Variants in ARMC12 observed in about 807,000 individuals in gnomAD.
ARMC12 encodes the protein armadillo repeat containing 12.
A neutral mutation model predicts 37.4 loss-of-function variants in ARMC12; 25 were observed. The ratio of observed to expected loss-of-function variants is 0.67; its 90% CI spans 0.49 to 0.93. ARMC12 has a LOEUF of 0.93. Ranked by LOEUF, ARMC12 falls within the 40% of genes least tolerant of loss-of-function variation. The pLI is 0.00. For synonymous variants in ARMC12, 167 were observed against 176.1 expected (o/e 0.95, Z 0.41); for missense variants, 384 against 426.6 (o/e 0.90, Z 0.88).
upstream of ARMC12, among the ~76,000 whole-genome samples, chr6:35,734,893 C>T (rs1463776493): frequency 6.6e-6 from 1 of 152,052 alleles, no homozygotes; most frequent in Non-Finnish European, 1.5e-5. Flanking sequence ...ATTCCTTTGT[C>T]TTTAATTTTT....
At chr6:35,740,245 T>C (rs1293350945) in intron 3 of ARMC12, among the ~76,000 whole-genome samples, 1 of 152,158 alleles carries the variant, frequency 6.6e-6, no homozygotes, top group Non-Finnish European at 1.5e-5. Flanking sequence ...CCCCTTTCCC[T>C]GCTATCATAC....
chr6:35,737,423 C>A, intron 1 of ARMC12, 152 bp downstream of exon 1: 1 of 1,594,312 alleles, frequency 6.3e-7, no homozygotes, highest in Non-Finnish European at 8.5e-7. Context: ...CCTGCAGCGT[C>A]CTAGGCAAGG....
At chr6:35,734,686 C>G (rs961973536), upstream of ARMC12, among the ~76,000 whole-genome samples, 2 of 151,858 alleles carry the variant, frequency 1.3e-5, no homozygotes, top group Non-Finnish European at 2.9e-5. Flanking sequence ...CCTGTAGTCC[C>G]AGCTACTTGG....
chr6:35,738,169 T>C lies in ARMC12; in HGVS notation c.306T>C (p.Ala102=). The C allele has an allele frequency of 6.2e-7, 1 of 1,611,228 alleles. No individual in the cohort carries two copies. ...CTCGCTGTGTGTACTTGCTGGAGGC[T>C]GAGGTAAGGGAAGCAGGAGGTCCCC... ...SITRCVYLLE[A]EASACTTDDI... Residue 102 remains alanine, a synonymous_variant, in exon 2 of 6, where the codon GCT becomes GCC. Coordinates refer to ENST00000373866, the MANE Select transcript of ARMC12 (RefSeq NM_001286574.2).
At chr6:35,737,309 G>A in intron 1 of ARMC12, 38 bp downstream of exon 1, 2 of 1,614,226 alleles carry the variant, frequency 1.2e-6, no homozygotes, top group Middle Eastern at 1.6e-4. Flanking sequence ...CTCTGCCCCA[G>A]GAGGCACCTG....
At chr6:35,747,675 T>C (rs778999365) in intron 5 of ARMC12, 28 bp downstream of exon 5, 3 of 1,605,202 alleles carry the variant, frequency 1.9e-6, no homozygotes, top group Admixed American at 3.3e-5. Context: ...GAGGGGCTGA[T>C]GAATGCCAAC....
rs1203087188 is a variant in ARMC12, at chr6:35,748,818, C to A, written c.971C>A (p.Ala324Asp). Residue 324 changes from alanine (A) to aspartate (D), a missense_variant, in exon 6 of 6, where the codon GCC (alanine) becomes GAC (aspartate). Transcript: ENST00000373866. ...CTGCAGTATCCCCAGGACTTGAGAG[C>A]CCGGCCCTCCTCCTGCCAGCCCAGT... ...VSLQYPQDLR[A>D]RPSSCQPSRS... The A allele has an allele frequency of 6.2e-7, 1 of 1,613,948 alleles. No homozygotes were observed. Among genetic ancestry groups the A allele is most frequent in the East Asian group, 2.2e-5 (1 of 44,888 alleles).
chr6:35,748,822 G>C lies in ARMC12; in HGVS notation c.975G>C (p.Arg325=). The part of the protein sequence containing the change: ...SLQYPQDLRA[R]PSSCQPSRSY... Reference sequence around the variant, plus strand: ...AGTATCCCCAGGACTTGAGAGCCCGGCCCTCCTCCTGCCAGCCCAGTCGTT... The same window carrying C: ...AGTATCCCCAGGACTTGAGAGCCCGCCCCTCCTCCTGCCAGCCCAGTCGTT... The change falls in exon 6 of 6, where the codon CGG becomes CGC. Residue 325 remains arginine, a synonymous_variant. Transcript: ENST00000373866. The C allele has an allele frequency of 6.2e-7, 1 of 1,613,862 alleles. No individual in the cohort carries two copies. The highest frequency in any genetic ancestry group is 1.1e-5 in the South Asian group (1 of 91,040).
At chr6:35,743,955 A>G (rs918552542) in intron 3 of ARMC12, among the ~76,000 whole-genome samples, 6 of 151,934 alleles carry the variant, frequency 3.9e-5, no homozygotes, top group Non-Finnish European at 7.4e-5. Flanking sequence ...CAAAAAAAAA[A>G]AAAGAAAAAA....
At chr6:35,741,699 C>A (rs973221590) in intron 3 of ARMC12, among the ~76,000 whole-genome samples, 7 of 152,082 alleles carry the variant, frequency 4.6e-5, no homozygotes, top group Admixed American at 4.6e-4. Context: ...GGATTACAGA[C>A]ATGAGCCACC....
At position 35,738,154 on chromosome 6, in the gene ARMC12, G is replaced by C. The variant is rs771513509; in HGVS notation, c.291G>C (p.Val97=). The C allele has an allele frequency of 1.9e-6, 3 of 1,612,878 alleles. No individual in the cohort carries two copies. Among genetic ancestry groups the C allele is most frequent in the African/African-American group, 1.3e-5 (1 of 74,900 alleles). The change falls in exon 2 of 6, where the codon GTG becomes GTC. Residue 97 remains valine (V), a synonymous_variant. Coordinates refer to ENST00000373866, the MANE Select transcript of ARMC12 (RefSeq NM_001286574.2). ...SMILHSITRC[V]YLLEAEASAC... is the part of the protein sequence containing the mutation. ...TCCTGCACAGTATCACTCGCTGTGT[G>C]TACTTGCTGGAGGCTGAGGTAAGGG...
At chr6:35,744,523 AG>A (rs1429651263) in intron 3 of ARMC12, among the ~76,000 whole-genome samples, 2 of 152,062 alleles carry the variant, frequency 1.3e-5, no homozygotes, top group Non-Finnish European at 2.9e-5. Context: ...ATGTTAGGCC[AG>A]GCATGGGGGA....
rs1767363906 is a variant in ARMC12, at chr6:35,747,164, C to T, written c.445-97C>T. ...GGAGAATTGTCTATTGGGTTTGGCC[C>T]AGGGGACATCCATGGGGACAGTGAA... is the stretch of plus-strand genomic sequence containing the variant. On this transcript the variant is annotated intron_variant, in intron 3 of 5. Coordinates refer to ENST00000373866, the MANE Select transcript of ARMC12 (RefSeq NM_001286574.2). 5.6e-6 allele frequency: 8 copies of T among 1,416,446 alleles called. No individual in the cohort carries two copies. The South Asian group carries it at 1.1e-4, about 19-fold the overall frequency. 87.7% of individuals were successfully genotyped at this position (1,416,446 alleles called of 1,614,324 possible). A position where few individuals can be genotyped will look rare whatever the true frequency, so the allele number is the denominator to read the frequency against.
intron 3 of ARMC12, among the ~76,000 whole-genome samples, chr6:35,744,691 G>A (rs1767284278): frequency 6.6e-6 from 1 of 152,044 alleles, no homozygotes; most frequent in African/African-American, 2.4e-5. Flanking sequence ...GGAGGTGGAG[G>A]TTGCAGCGAG....
intron 2 of ARMC12, 97 bp from the exon 3 acceptor site, chr6:35,738,287 G>GGC (rs1554141439): frequency 7.6e-5 from 77 of 1,015,776 alleles, no homozygotes; most frequent in African/African-American, 3.2e-4. Flanking sequence ...TGATAGCGGT[G>GGC]GGGGGGGGGT....
upstream of ARMC12, among the ~76,000 whole-genome samples, chr6:35,736,175 G>A (rs970237872): frequency 1.3e-5 from 2 of 152,218 alleles, no homozygotes; most frequent in African/African-American, 4.8e-5. Context: ...GTCCTCAAGA[G>A]CACTTTGTCA....
upstream of ARMC12, chr6:35,736,941 A>G (rs374675513): frequency 2.8e-6 from 3 of 1,069,014 alleles, no homozygotes; most frequent in South Asian, 4.6e-5. Flanking sequence ...TGGCTGCCCC[A>G]TTTCCTGACC....
upstream of ARMC12, among the ~76,000 whole-genome samples, chr6:35,733,700 T>G (rs1022645304): frequency 2.0e-5 from 3 of 152,086 alleles, no homozygotes; most frequent in Admixed American, 1.3e-4. Flanking sequence ...AGAGACGGGG[T>G]TTCCCCATGT....
intron 3 of ARMC12, among the ~76,000 whole-genome samples, chr6:35,740,897 GT>G (rs11365534): frequency 0.37 from 42,946 of 116,058 alleles, 5,908 homozygotes; most frequent in African/African-American, 0.4. Context: ...CTTCCTTCTG[GT>G]TTTTTTTTTT....
Sources: gnomAD v4.1 joint callset for allele counts (sites outside exome capture counted in the v4.1 genomes callset) on GRCh38, gnomAD v4.1.1 for gene constraint, MANE v1.5 for transcripts, NCBI Gene and HGNC (gene_info 2026-07-23, HGNC 2026-07-21) for gene names.